The following SLC35D4 variants were observed in gnomAD, a reference collection of about 807,000 sequenced individuals.
The protein encoded by SLC35D4 is UDP-N-acetylglucosamine transporter SLC35D4.
At chr18:23,376,597 G>A in the SLC35D4 span, among the ~76,000 whole-genome samples, 1 of 152,232 alleles carries the variant, frequency 6.6e-6, no homozygotes, top group African/African-American at 2.4e-5. Flanking sequence ...GGGCTGCCCA[G>A]GAACAGGCAG....
the SLC35D4 span, among the ~76,000 whole-genome samples, chr18:23,355,901 G>A: frequency 2.6e-5 from 4 of 152,166 alleles, no homozygotes; most frequent in African/African-American, 7.2e-5. Flanking sequence ...CTATCATATC[G>A]GGATACCACA....
At chr18:23,434,629 A>T in the SLC35D4 span, among the ~76,000 whole-genome samples, 3 of 151,696 alleles carry the variant, frequency 2.0e-5, no homozygotes, top group Non-Finnish European at 2.9e-5. Context: ...CGTCTCTATT[A>T]AAAAAAATAC....
the SLC35D4 span, among the ~76,000 whole-genome samples, chr18:23,283,917 A>G: frequency 2.6e-5 from 4 of 152,202 alleles, no homozygotes; most frequent in Non-Finnish European, 5.9e-5. Flanking sequence ...ATTATATGCT[A>G]AACAAAAGGT....
the SLC35D4 span, chr18:23,257,371 T>G: frequency 6.3e-7 from 1 of 1,591,480 alleles, no homozygotes; most frequent in Non-Finnish European, 8.5e-7. Flanking sequence ...TTCCTAGCAC[T>G]GGCCCCGAGG....
chr18:23,251,567 A>C, the SLC35D4 span, among the ~76,000 whole-genome samples: 8 of 152,328 alleles, frequency 5.3e-5, no homozygotes, highest in African/African-American at 1.7e-4. Context: ...AAATTGTTTA[A>C]TTCAGAGTTC....
the SLC35D4 span, among the ~76,000 whole-genome samples, chr18:23,349,337 A>G: frequency 1.3e-5 from 2 of 152,240 alleles, no homozygotes; most frequent in Non-Finnish European, 2.9e-5. Flanking sequence ...CAATTTAAAA[A>G]AAACCTGTTT....
At chr18:23,375,114 C>CA in the SLC35D4 span, among the ~76,000 whole-genome samples, 47 of 130,148 alleles carry the variant, frequency 3.6e-4, no homozygotes, top group African/African-American at 6.1e-4. Flanking sequence ...GACTCCATCT[C>CA]AAAAAAAAAA....
the SLC35D4 span, among the ~76,000 whole-genome samples, chr18:23,270,035 G>A: frequency 6.6e-6 from 1 of 152,214 alleles, no homozygotes; most frequent in African/African-American, 2.4e-5. Flanking sequence ...CCAAGACAAT[G>A]AGGAAAAAGT....
the SLC35D4 span, chr18:23,295,932 A>G: frequency 6.6e-6 from 1 of 152,162 alleles, no homozygotes; most frequent in Non-Finnish European, 1.5e-5. Context: ...AGGTATTTGA[A>G]ACATCTATTA....
At chr18:23,276,118 C>T in the SLC35D4 span, among the ~76,000 whole-genome samples, 3 of 151,768 alleles carry the variant, frequency 2.0e-5, no homozygotes, top group East Asian at 1.9e-4. Flanking sequence ...GATGGAGTCT[C>T]ACTCTGTCGC....
chr18:23,291,064 A>G, the SLC35D4 span, among the ~76,000 whole-genome samples: 1 of 152,256 alleles, frequency 6.6e-6, no homozygotes, highest in African/African-American at 2.4e-5. Flanking sequence ...GTAGGTCTCA[A>G]TATCTTTTGA....
the SLC35D4 span, among the ~76,000 whole-genome samples, chr18:23,314,511 C>A: frequency 6.5e-3 from 992 of 152,284 alleles, 12 homozygotes; most frequent in African/African-American, 0.022. Context: ...ATAATATTCA[C>A]CAAAGAACAA....
the SLC35D4 span, among the ~76,000 whole-genome samples, chr18:23,393,714 T>C: frequency 6.6e-6 from 1 of 152,092 alleles, no homozygotes; most frequent in Non-Finnish European, 1.5e-5. Context: ...GCCTCCTGGG[T>C]TCAAGCAATT....
At chr18:23,360,825 G>A in the SLC35D4 span, among the ~76,000 whole-genome samples, 1 of 152,034 alleles carries the variant, frequency 6.6e-6, no homozygotes, top group Non-Finnish European at 1.5e-5. Flanking sequence ...GAAGGGGCTG[G>A]GTGCAGCAGC....
chr18:23,398,765 G>C, the SLC35D4 span, among the ~76,000 whole-genome samples: 1 of 152,142 alleles, frequency 6.6e-6, no homozygotes, highest in East Asian at 1.9e-4. Flanking sequence ...TGAGATCTAA[G>C]GGGCTAACAT....
chr18:23,306,096 G>C, the SLC35D4 span, among the ~76,000 whole-genome samples: 2 of 152,026 alleles, frequency 1.3e-5, no homozygotes, highest in African/African-American at 4.8e-5. Context: ...CAGCATCCAA[G>C]GCCACCTGGG....
At chr18:23,278,089 G>A in the SLC35D4 span, among the ~76,000 whole-genome samples, 1 of 152,122 alleles carries the variant, frequency 6.6e-6, no homozygotes, top group African/African-American at 2.4e-5. Context: ...ATGGGCACAG[G>A]GAAGGGAGGA....
chr18:23,319,877 G>A, the SLC35D4 span, among the ~76,000 whole-genome samples: 2,476 of 152,240 alleles, frequency 0.016, 61 homozygotes, highest in African/African-American at 0.056. Context: ...TTGCTTCTTC[G>A]ATTTAAGGTA....
At chr18:23,345,481 CAAAAAAAAAAA>C in the SLC35D4 span, among the ~76,000 whole-genome samples, 14 of 57,248 alleles carry the variant, frequency 2.4e-4, no homozygotes, top group South Asian at 5.5e-3. Context: ...GACTCCATCT[CAAAAAAAAAAA>C]AAAAAAAAAA....
Sources: allele counts gnomAD v4.1 joint callset (sites outside exome capture counted in the v4.1 genomes callset), GRCh38; gene constraint gnomAD v4.1.1; transcripts MANE v1.5; gene names NCBI Gene and HGNC (gene_info 2026-07-23, HGNC 2026-07-21).